The following ITGB6 variants were observed in gnomAD, a reference collection of about 807,000 sequenced individuals.
The protein encoded by ITGB6 is integrin subunit beta 6, also known as integrin beta-6.
A neutral mutation model predicts 84.5 loss-of-function variants in ITGB6; 80 were observed. That is an observed-to-expected ratio of 0.95 (90% CI 0.79 to 1.14). The LOEUF is 1.14. Ranked by LOEUF, ITGB6 falls within the 50% of genes most tolerant of loss-of-function variation. The pLI, the probability that ITGB6 is intolerant of heterozygous loss-of-function variation, is 0.00. For missense variants in ITGB6, 1,006 were observed against 968.0 expected (o/e 1.04, Z -0.52); for synonymous variants, 383 against 354.9 (o/e 1.08, Z -0.89).
At chr2:160,116,731 G>C (rs548954273) in intron 12 of ITGB6, among the ~76,000 whole-genome samples, 1 of 152,160 alleles carries the variant, frequency 6.6e-6, no homozygotes, top group East Asian at 1.9e-4. Context: ...ATTGGATGAA[G>C]ACTCAAGACC....
At chr2:160,114,354 C>T (rs528739299) in intron 12 of ITGB6, among the ~76,000 whole-genome samples, 3 of 152,146 alleles carry the variant, frequency 2.0e-5, no homozygotes, top group East Asian at 1.9e-4. Context: ...TCTCTTTTTT[C>T]CCTTCCTTTG....
chr2:160,135,791 C>G (rs1014357786), intron 10 of ITGB6, among the ~76,000 whole-genome samples: 2 of 152,062 alleles, frequency 1.3e-5, no homozygotes, highest in African/African-American at 4.8e-5. Context: ...CTGAGAAAAA[C>G]AAGCAATGGG....
intron 7 of ITGB6, among the ~76,000 whole-genome samples, chr2:160,146,780 C>A (rs981480200): frequency 6.6e-6 from 1 of 151,950 alleles, no homozygotes. Context: ...AGTAAACAAG[C>A]AAATACCATC....
chr2:160,196,203 A>G lies in ITGB6; in HGVS notation c.346+13T>C. 6.2e-7 allele frequency: 1 copy of G among 1,611,810 alleles called. No individual in the cohort carries two copies. The highest frequency in any genetic ancestry group is 1.1e-5 in the South Asian group (1 of 91,030). On this transcript the variant is annotated intron_variant, in intron 3 of 14. Transcript: ENST00000283249. Reference sequence around the variant, plus strand: ...ACATTAGATCTATTTACATGAGCCAAATCCTAACATACCTGGTCTCAACTT... The same window carrying G: ...ACATTAGATCTATTTACATGAGCCAGATCCTAACATACCTGGTCTCAACTT...
At chr2:160,134,436 C>G (rs1195244764) in intron 10 of ITGB6, among the ~76,000 whole-genome samples, 1 of 152,102 alleles carries the variant, frequency 6.6e-6, no homozygotes, top group Non-Finnish European at 1.5e-5. Flanking sequence ...CAAAAACAGT[C>G]CAGGACCAGA....
chr2:160,139,014 AG>A (rs1019232866), intron 8 of ITGB6, among the ~76,000 whole-genome samples: 8 of 152,276 alleles, frequency 5.3e-5, no homozygotes, highest in African/African-American at 1.7e-4. Flanking sequence ...GTTAAAATGT[AG>A]GGGGAAAGTG....
intron 4 of ITGB6, among the ~76,000 whole-genome samples, chr2:160,188,152 G>A (rs145838324): frequency 3.3e-5 from 5 of 152,166 alleles, no homozygotes; most frequent in East Asian, 3.9e-4. Flanking sequence ...AAAATCCTAC[G>A]CTCTTTCCTT....
intron 12 of ITGB6, among the ~76,000 whole-genome samples, chr2:160,117,552 A>G (rs1370180346): frequency 6.6e-6 from 1 of 152,240 alleles, no homozygotes; most frequent in Non-Finnish European, 1.5e-5. Flanking sequence ...AATGCCCACA[A>G]GAGAAAGCAG....
chr2:160,143,505 A>G (rs1684079480), intron 7 of ITGB6, among the ~76,000 whole-genome samples: 1 of 152,084 alleles, frequency 6.6e-6, no homozygotes, highest in South Asian at 2.1e-4. Context: ...TGCATTTGAC[A>G]TCTACTAAGT....
At chr2:160,109,818 A>G (rs1012554044) in intron 13 of ITGB6, among the ~76,000 whole-genome samples, 1 of 152,210 alleles carries the variant, frequency 6.6e-6, no homozygotes, top group African/African-American at 2.4e-5. Flanking sequence ...TGGTAGCTCA[A>G]TGTGCATATT....
chr2:160,157,605 CTTA>C (rs1684672011), intron 7 of ITGB6, among the ~76,000 whole-genome samples: 2 of 151,882 alleles, frequency 1.3e-5, no homozygotes, highest in African/African-American at 4.8e-5. Flanking sequence ...TTATAGAACA[CTTA>C]TTATAAGGAT....
At chr2:160,131,379 G>A (rs954241071) in intron 10 of ITGB6, among the ~76,000 whole-genome samples, 1 of 152,120 alleles carries the variant, frequency 6.6e-6, no homozygotes. Context: ...AGAACATTGC[G>A]ATAATAGCTC....
chr2:160,181,399 C>A (rs990026743), intron 4 of ITGB6, among the ~76,000 whole-genome samples: 4 of 152,338 alleles, frequency 2.6e-5, no homozygotes, highest in Middle Eastern at 3.4e-3. Flanking sequence ...GAGCTCACCG[C>A]AGCTCGGCAA....
chr2:160,119,870 A>T (rs1682952948), intron 12 of ITGB6, among the ~76,000 whole-genome samples: 1 of 152,244 alleles, frequency 6.6e-6, no homozygotes, highest in African/African-American at 2.4e-5. Context: ...ATGAACAGAC[A>T]CTTGTCAAAA....
intron 12 of ITGB6, among the ~76,000 whole-genome samples, chr2:160,114,760 A>G (rs952741708): frequency 1.3e-5 from 2 of 152,214 alleles, no homozygotes; most frequent in African/African-American, 4.8e-5. Flanking sequence ...AGTCAAAGAA[A>G]GGGGTGACAG....
chr2:160,115,362 A>G (rs1402321948), intron 12 of ITGB6, among the ~76,000 whole-genome samples: 2 of 151,906 alleles, frequency 1.3e-5, no homozygotes, highest in Non-Finnish European at 2.9e-5. Flanking sequence ...TACAGCCACC[A>G]CTGTTCTGCA....
chr2:160,113,340 C>A (rs1682614765), intron 12 of ITGB6, among the ~76,000 whole-genome samples: 1 of 152,112 alleles, frequency 6.6e-6, no homozygotes, highest in Admixed American at 6.5e-5. Flanking sequence ...AATGCCATAG[C>A]CATAGATAGA....
intron 14 of ITGB6, among the ~76,000 whole-genome samples, chr2:160,103,889 AG>A (rs1012807780): frequency 2.0e-5 from 3 of 152,274 alleles, no homozygotes; most frequent in African/African-American, 7.2e-5. Flanking sequence ...ACTTGTTTGT[AG>A]GTGCACCCTA....
chr2:160,101,840 A>T lies in ITGB6; in HGVS notation c.2269-6T>A. 4.4e-6 allele frequency: 1 copy of T among 227,932 alleles called. No homozygotes were observed. The highest frequency in any genetic ancestry group is 5.0e-6 in the Non-Finnish European group (1 of 199,252). 14.1% of individuals were successfully genotyped at this position (227,932 alleles called of 1,614,324 possible). ...CTGTAGAGTGGATTGGTTCCCTGGA[A>T]AAAAAAAAAAGATTCAAGTGAAAGT... On this transcript the variant is annotated splice_polypyrimidine_tract_variant and splice_region_variant and intron_variant, in intron 14 of 14. Coordinates refer to ENST00000283249, the MANE Select transcript of ITGB6 (RefSeq NM_000888.5).
Sources: allele counts gnomAD v4.1 joint callset (sites outside exome capture counted in the v4.1 genomes callset), GRCh38; gene constraint gnomAD v4.1.1; transcripts MANE v1.5; gene names NCBI Gene and HGNC (gene_info 2026-07-23, HGNC 2026-07-21).